Variants in ACTC1 observed in about 807,000 individuals in gnomAD.
ACTC1 encodes the protein actin, alpha cardiac muscle 1.
Under a neutral mutation model 31.6 loss-of-function variants are expected in ACTC1, and 10 were observed. The ratio of observed to expected loss-of-function variants is 0.32; its 90% CI spans 0.19 to 0.54. The LOEUF is 0.54. Ranked by LOEUF, ACTC1 falls within the 20% of genes least tolerant of loss-of-function variation. The pLI is 0.95. For missense variants in ACTC1, 129 were observed against 506.4 expected, an observed-to-expected ratio of 0.25 and a Z score of 7.15; for synonymous variants, 196 against 185.0, an observed-to-expected ratio of 1.06 and a Z score of -0.48.
chr15:34,790,781 C>T (rs1891687852), intron 6 of ACTC1, among the ~76,000 whole-genome samples: 1 of 152,162 alleles, frequency 6.6e-6, no homozygotes, highest in Admixed American at 6.5e-5. Context: ...GGAATTTCTC[C>T]ACTTACCTAG....
chr15:34,791,792 G>A (rs1184104637), intron 5 of ACTC1: 6 of 419,504 alleles, frequency 1.4e-5, no homozygotes, highest in East Asian at 9.8e-5. Context: ...TGAAACTTAC[G>A]GGAATAAGTC....
Position 34,793,163 on chromosome 15 carries a change from T to G in ACTC1, c.454+82A>C. On this transcript the variant is annotated intron_variant, in intron 3 of 6. Coordinates refer to ENST00000290378, the MANE Select transcript of ACTC1 (RefSeq NM_005159.5). The surrounding 1 kb of genome is among the most constrained non-coding windows in gnomAD (Gnocchi z 4.8). Reference sequence around the variant, plus strand: ...TGGGAGGAAAGGGATTATCCCTTTTTCAACTGGGGGATCTGATTCACAGCA... The same window carrying G: ...TGGGAGGAAAGGGATTATCCCTTTTGCAACTGGGGGATCTGATTCACAGCA... The G allele has an allele frequency of 7.0e-7, 1 of 1,429,190 alleles. No individual in the cohort carries two copies. Among genetic ancestry groups the G allele is most frequent in the Non-Finnish European group, 9.8e-7 (1 of 1,018,908 alleles). The allele number at this position is 1,429,190 out of a possible 1,614,324, so 88.5% of individuals were successfully genotyped here. A position where few individuals can be genotyped will look rare whatever the true frequency, so the allele number is the denominator to read the frequency against.
rs1230289063 is a variant in ACTC1, at chr15:34,791,963, G to C, written c.808+127C>G. 4 of 946,922 alleles carry C rather than the reference G, an allele frequency of 4.2e-6. No individual in the cohort carries two copies. In the East Asian group the frequency reaches 1.0e-4, roughly 25 times the overall value. 58.7% of individuals were successfully genotyped at this position (946,922 alleles called of 1,614,324 possible). A position where few individuals can be genotyped will look rare whatever the true frequency, so the allele number is the denominator to read the frequency against. On this transcript the variant is annotated intron_variant, in intron 5 of 6. Transcript: ENST00000290378. ...ATGAGCCATCAGGACTTGAGGTTGA[G>C]CTGTGTGGGAATCCAAACTATGACT... is the stretch of plus-strand genomic sequence containing the variant.
chr15:34,793,070 T>C lies in ACTC1; in HGVS notation c.454+175A>G, dbSNP rs1891739813. On this transcript the variant is annotated intron_variant, in intron 3 of 6. Transcript: ENST00000290378. The surrounding 1 kb of genome is among the most constrained non-coding windows in gnomAD (Gnocchi z 4.8). ...ACAAGCTATCAGCTCCAACAATAAT[T>C]GTGCTCCGAAACTAACCTCAGGGCA... Among the ~76,000 whole-genome samples the C allele has an allele frequency of 6.6e-6, 1 of 152,162 alleles. No individual in the cohort carries two copies. Among genetic ancestry groups the C allele is most frequent in the Non-Finnish European group, 1.5e-5 (1 of 68,020 alleles).
chr15:34,794,668 C>G lies in ACTC1; in HGVS notation c.129+12G>C, dbSNP rs769881551. On this transcript the variant is annotated intron_variant, in intron 2 of 6. Coordinates refer to ENST00000290378, the MANE Select transcript of ACTC1 (RefSeq NM_005159.5). ...GTCCCGAGTGGGACGGGGGGCTCGG[C>G]GGGAAGTTTACCTGGTGCCGCGGGC... 8 of 1,609,936 alleles carry G rather than the reference C, an allele frequency of 5.0e-6. No individual in the cohort carries two copies. The East Asian group carries it at 1.6e-4, about 31-fold the overall frequency.
rs80085137 is a variant in ACTC1, at chr15:34,795,142, C to A, written c.-22-312G>T. Among the ~76,000 whole-genome samples, 2,344 of 152,114 alleles carry A rather than the reference C, an allele frequency of 0.015. 68 individuals are homozygous for A. Among genetic ancestry groups the A allele is most frequent in the African/African-American group, 0.053 (2,214 of 41,496 alleles). Reference sequence around the variant, plus strand: ...TAGTCCTCCCCAGCCCTTTAACTTTCTTCCTTTTCACGAACTGGGAACTCG... The same window carrying A: ...TAGTCCTCCCCAGCCCTTTAACTTTATTCCTTTTCACGAACTGGGAACTCG... On this transcript the variant is annotated intron_variant, in intron 1 of 6. Coordinates refer to ENST00000290378, the MANE Select transcript of ACTC1 (RefSeq NM_005159.5).
At chr15:34,791,805 C>T in intron 5 of ACTC1, 1 of 448,114 alleles carries the variant, frequency 2.2e-6, no homozygotes, top group Non-Finnish European at 4.1e-6. Flanking sequence ...AATAAGTCAG[C>T]TCTTGTGAAC....
intron 6 of ACTC1, 130 bp downstream of exon 6, chr15:34,790,984 G>T: frequency 2.3e-6 from 2 of 873,894 alleles, no homozygotes; most frequent in Non-Finnish European, 3.4e-6. Context: ...CAGAAAAAGT[G>T]GTAGAAAAGC....
At position 34,793,181 on chromosome 15, in the gene ACTC1, T is replaced by G. The variant is rs144181590; in HGVS notation, c.454+64A>C. 2.4e-4 allele frequency: 370 copies of G among 1,535,976 alleles called. 2 individuals carry two copies. In the African/African-American group the frequency reaches 4.7e-3, roughly 19 times the overall value. ...CCCTTTTTCAACTGGGGGATCTGAT[T>G]CACAGCAAGGTCGGTGACTTGGGAA... On this transcript the variant is annotated intron_variant, in intron 3 of 6. Transcript: ENST00000290378. This position sits in a 1 kb window ranked among gnomAD's most constrained non-coding sequence, Gnocchi z 4.8.
rs2070664 is a variant in ACTC1, at chr15:34,793,000, C to T, written c.454+245G>A. 0.6 allele frequency: 338,861 copies of T among 568,658 alleles called. 101,963 individuals carry two copies. Among genetic ancestry groups the T allele is most frequent in the African/African-American group, 0.72 (38,317 of 53,188 alleles). 35.2% of individuals were successfully genotyped at this position (568,658 alleles called of 1,614,324 possible). A position where few individuals can be genotyped will look rare whatever the true frequency, so the allele number is the denominator to read the frequency against. On this transcript the variant is annotated intron_variant, in intron 3 of 6. Transcript: ENST00000290378. The surrounding 1 kb of genome is among the most constrained non-coding windows in gnomAD (Gnocchi z 5.3). ...ATAACAATGACTGCTGCACTCCAAGCTGCTACACTGCGCTGAGCTTTAAAT... is the reference window on the plus strand; with the variant it reads ...ATAACAATGACTGCTGCACTCCAAGTTGCTACACTGCGCTGAGCTTTAAAT...
chr15:34,791,033 G>T, intron 6 of ACTC1, 81 bp downstream of exon 6: 1 of 1,328,718 alleles, frequency 7.5e-7, no homozygotes, highest in Non-Finnish European at 1.0e-6. Context: ...AACTGAGTAT[G>T]AGGGAAAAGG....
chr15:34,793,431 G>A lies in ACTC1; in HGVS notation c.268C>T (p.His90Tyr), dbSNP rs121912676. The A allele has an allele frequency of 1.9e-6, 3 of 1,614,180 alleles. No individual in the cohort carries two copies. Among genetic ancestry groups the A allele is most frequent in the Admixed American group, 3.3e-5 (2 of 60,030 alleles). The change falls in exon 3 of 7, where the codon CAC (histidine) becomes TAC (tyrosine). Residue 90 changes from histidine (H) to tyrosine (Y), a missense_variant. Coordinates refer to ENST00000290378, the MANE Select transcript of ACTC1 (RefSeq NM_005159.5). The surrounding 1 kb of genome is among the most constrained non-coding windows in gnomAD (Gnocchi z 4.8). ...ACACGGAGCTCATTGTAGAAGGTGT[G>A]GTGCCAGATCTTCTCCATGTCGTCC... Reference protein sequence around the residue: ...NWDDMEKIWHHTFYNELRVAP... With the variant: ...NWDDMEKIWHYTFYNELRVAP...
At chr15:34,791,878 A>G in intron 5 of ACTC1, 4 of 582,430 alleles carry the variant, frequency 6.9e-6, no homozygotes, top group Non-Finnish European at 6.1e-6. Context: ...TTATTTTGAG[A>G]TGAACTCAGT....
chr15:34,791,444 C>T (rs1891706862), intron 5 of ACTC1, 149 bp from the exon 6 acceptor site: 4 of 1,132,942 alleles, frequency 3.5e-6, no homozygotes, highest in Non-Finnish European at 5.1e-6. Context: ...ACATATGTTC[C>T]CCTATAAGAC....
At position 34,794,618 on chromosome 15, in the gene ACTC1, T is replaced by C. The variant is rs369739702; in HGVS notation, c.129+62A>G. 13 of 1,570,630 alleles carry C rather than the reference T, an allele frequency of 8.3e-6. No individual in the cohort carries two copies. The Middle Eastern group carries it at 5.1e-4, about 61-fold the overall frequency. On this transcript the variant is annotated intron_variant, in intron 2 of 6. Coordinates refer to ENST00000290378, the MANE Select transcript of ACTC1 (RefSeq NM_005159.5). ...GAACAAGAGGGTCAGGTGAGAGCCA[T>C]TTCCTAGATCGCTGGACTGAAGGGG...
At position 34,795,351 on chromosome 15, in the gene ACTC1, TA is replaced by T. The variant is rs3059225; in HGVS notation, c.-23+154del. Among the ~76,000 whole-genome samples the T allele has an allele frequency of 0.12, 16,800 of 136,460 alleles. 1,082 individuals are homozygous for T. The highest frequency in any genetic ancestry group is 0.18 in the African/African-American group (6,906 of 37,520). 89.5% of individuals were successfully genotyped at this position (136,460 alleles called of 152,430 possible). ...GAACCAAATCAAAAAGTGTGGGCTTTAAAAAAAAAAAAAAAAAGGCAGTCGC... is the reference window on the plus strand; with the variant it reads ...GAACCAAATCAAAAAGTGTGGGCTTTAAAAAAAAAAAAAAAAGGCAGTCGC... On this transcript the variant is annotated intron_variant, in intron 1 of 6. Coordinates refer to ENST00000290378, the MANE Select transcript of ACTC1 (RefSeq NM_005159.5).
Position 34,792,661 on chromosome 15 carries a change from G to C in ACTC1, c.455-92C>G, listed in dbSNP as rs1891728963. Reference sequence around the variant, plus strand: ...AAAGCCCGCTTCCAATCTTGGCTAAGAGATGCTAGCAATGGGCATTGATCC... The same window carrying C: ...AAAGCCCGCTTCCAATCTTGGCTAACAGATGCTAGCAATGGGCATTGATCC... On this transcript the variant is annotated intron_variant, in intron 3 of 6. Transcript: ENST00000290378. This position sits in a 1 kb window ranked among gnomAD's most constrained non-coding sequence, Gnocchi z 5.3. The C allele has an allele frequency of 7.2e-7, 1 of 1,391,994 alleles. No homozygotes were observed. The highest frequency in any genetic ancestry group is 1.4e-5 in the African/African-American group (1 of 70,340). 86.2% of individuals were successfully genotyped at this position (1,391,994 alleles called of 1,614,324 possible).
intron 1 of ACTC1, among the ~76,000 whole-genome samples, 150 bp downstream of exon 1, chr15:34,795,351 TAAAAA>T (rs3059225): frequency 1.5e-5 from 2 of 136,584 alleles, no homozygotes; most frequent in African/African-American, 5.3e-5. Context: ...GTGTGGGCTT[TAAAAA>T]AAAAAAAAAA....
At chr15:34,791,076 G>T in intron 6 of ACTC1, 38 bp downstream of exon 6, 1 of 1,551,352 alleles carries the variant, frequency 6.4e-7, no homozygotes, top group Non-Finnish European at 8.8e-7. Context: ...AGAATACCAA[G>T]ACTTGCCTCG....
Sources: allele counts gnomAD v4.1 joint callset (sites outside exome capture counted in the v4.1 genomes callset), GRCh38; gene constraint gnomAD v4.1.1; non-coding constraint Gnocchi (gnomAD v3.1); transcripts MANE v1.5; gene names NCBI Gene and HGNC (gene_info 2026-07-23, HGNC 2026-07-21).